The following TRPM6 variants were observed in gnomAD, a reference collection of about 807,000 sequenced individuals.
TRPM6 encodes channel kinase 2.
TRPM6 carries 111 observed loss-of-function variants against 247.6 expected under a neutral mutation model. That is an observed-to-expected ratio of 0.45 (90% CI 0.38 to 0.52). The LOEUF (loss-of-function observed/expected upper bound fraction) is 0.52. Ranked by LOEUF, TRPM6 falls within the 20% of genes least tolerant of loss-of-function variation. The pLI is 0.00. For missense variants in TRPM6, 2,126 were observed against 2,421.5 expected (o/e 0.88, Z 2.56); for synonymous variants, 892 against 853.8 (o/e 1.04, Z -0.78).
intron 18 of TRPM6, among the ~76,000 whole-genome samples, chr9:74,796,433 G>T (rs1388317537): frequency 6.6e-6 from 1 of 152,160 alleles, no homozygotes. Flanking sequence ...TCCAAACCAC[G>T]TCTTTGATTT....
chr9:74,830,129 T>TA (rs1351989592), intron 6 of TRPM6, among the ~76,000 whole-genome samples: 3 of 151,986 alleles, frequency 2.0e-5, no homozygotes, highest in Non-Finnish European at 2.9e-5. Context: ...AATTTTATCT[T>TA]AAAAAAACAA....
Position 74,779,170 on chromosome 9 carries a change from G to A in TRPM6, c.3210-3094C>T, listed in dbSNP as rs1447961645. On this transcript the variant is annotated intron_variant, in intron 23 of 38. Transcript: ENST00000360774. ...CATGCACCTGTGGTCCCAGCTACTCGGGAGGTTGAGGTGGGAGGATTGCTT... is the reference window on the plus strand; with the variant it reads ...CATGCACCTGTGGTCCCAGCTACTCAGGAGGTTGAGGTGGGAGGATTGCTT... Among the ~76,000 whole-genome samples the A allele has an allele frequency of 3.9e-5, 6 of 152,226 alleles. No individual in the cohort carries two copies. The East Asian group carries it at 7.7e-4, about 20-fold the overall frequency.
intron 14 of TRPM6, among the ~76,000 whole-genome samples, chr9:74,806,168 T>C (rs998660508): frequency 6.6e-6 from 1 of 152,102 alleles, no homozygotes; most frequent in Non-Finnish European, 1.5e-5. Context: ...TGAAACTGAG[T>C]GATAGGTACA....
At chr9:74,735,277 G>T (rs1401891367) in intron 36 of TRPM6, among the ~76,000 whole-genome samples, 2 of 151,812 alleles carry the variant, frequency 1.3e-5, no homozygotes, top group Admixed American at 1.3e-4. Context: ...AGAGGAGAGG[G>T]AAAAGAAAAG....
chr9:74,881,348 T>C (rs1831357973), intron 1 of TRPM6, among the ~76,000 whole-genome samples: 1 of 151,938 alleles, frequency 6.6e-6, no homozygotes, highest in African/African-American at 2.4e-5. Flanking sequence ...AATGTAATTA[T>C]ATAATTATAA....
At chr9:74,853,023 C>T (rs867152721) in intron 3 of TRPM6, among the ~76,000 whole-genome samples, 3 of 150,494 alleles carry the variant, frequency 2.0e-5, no homozygotes, top group Admixed American at 6.6e-5. Context: ...TCTGCCCGGC[C>T]CCCCGTCGTC....
At chr9:74,779,200 C>A (rs1827330356) in intron 23 of TRPM6, among the ~76,000 whole-genome samples, 1 of 152,108 alleles carries the variant, frequency 6.6e-6, no homozygotes, top group African/African-American at 2.4e-5. Context: ...TTGCTTGAAC[C>A]AGGGAGGCGG....
rs1826413951 is a variant in TRPM6, at chr9:74,755,843, T to C, written c.4786-370A>G. Reference sequence around the variant, plus strand: ...GAATCTCTATTAAGTTCCCAGGTGATGCTCATGCTGCCAATAGGAGATCAT... The same window carrying C: ...GAATCTCTATTAAGTTCCCAGGTGACGCTCATGCTGCCAATAGGAGATCAT... On this transcript the variant is annotated intron_variant, in intron 27 of 38. Transcript: ENST00000360774. Among the ~76,000 whole-genome samples, 4 of 152,202 alleles carry C rather than the reference T, an allele frequency of 2.6e-5. No individual in the cohort carries two copies. The South Asian group carries it at 8.3e-4, about 32-fold the overall frequency.
chr9:74,736,643 T>A (rs1825705636), intron 36 of TRPM6, among the ~76,000 whole-genome samples: 1 of 152,216 alleles, frequency 6.6e-6, no homozygotes, highest in South Asian at 2.1e-4. Context: ...AACTCTCTGA[T>A]AAATATCTCA....
intron 13 of TRPM6, among the ~76,000 whole-genome samples, chr9:74,808,882 T>C (rs993808416): frequency 1.3e-5 from 2 of 152,198 alleles, no homozygotes; most frequent in Non-Finnish European, 2.9e-5. Context: ...ATAGACAGTA[T>C]AGTGTTTTCT....
chr9:74,815,384 A>C (rs1828890616), intron 11 of TRPM6, among the ~76,000 whole-genome samples: 1 of 152,224 alleles, frequency 6.6e-6, no homozygotes, highest in Non-Finnish European at 1.5e-5. Flanking sequence ...AAATAGTTTA[A>C]ATCATGAATT....
At chr9:74,816,274 G>A (rs1438496089) in intron 11 of TRPM6, among the ~76,000 whole-genome samples, 3 of 151,966 alleles carry the variant, frequency 2.0e-5, no homozygotes, top group African/African-American at 7.3e-5. Context: ...GAGGCTAATG[G>A]GGGAGGATTA....
intron 1 of TRPM6, among the ~76,000 whole-genome samples, chr9:74,872,724 C>A (rs1358041888): frequency 6.6e-6 from 1 of 151,892 alleles, no homozygotes; most frequent in Admixed American, 6.6e-5. Context: ...CCAGCCTCAG[C>A]CTCTCAAAGT....
At chr9:74,763,246 T>C in intron 25 of TRPM6, 112 bp from the exon 26 acceptor site, 1 of 1,029,864 alleles carries the variant, frequency 9.7e-7, no homozygotes, top group Non-Finnish European at 1.5e-6. Flanking sequence ...GCTGCTTCCC[T>C]AGGTTAAGTC....
At chr9:74,887,663 C>T (rs749197548) in intron 1 of TRPM6, 161 bp downstream of exon 1, 180 of 1,596,846 alleles carry the variant, frequency 1.1e-4, no homozygotes, top group Non-Finnish European at 8.8e-5. Flanking sequence ...GGGTGGAGAC[C>T]AGAGAACTTG....
intron 1 of TRPM6, among the ~76,000 whole-genome samples, chr9:74,878,075 C>T (rs1427789950): frequency 6.6e-6 from 1 of 152,148 alleles, no homozygotes; most frequent in Non-Finnish European, 1.5e-5. Flanking sequence ...CCCAACCTGC[C>T]ACCAACACCA....
intron 13 of TRPM6, 78 bp downstream of exon 13, chr9:74,810,737 A>C: frequency 1.5e-6 from 2 of 1,333,540 alleles, no homozygotes; most frequent in Non-Finnish European, 2.2e-6. Flanking sequence ...CATTTTACAA[A>C]GCAAAATTCA....
rs1054148046 is a variant in TRPM6, at chr9:74,800,902, GT to G, written c.2010-421del. Among the ~76,000 whole-genome samples, 18 of 127,034 alleles carry G rather than the reference GT, an allele frequency of 1.4e-4. No individual in the cohort carries two copies. In the East Asian group the frequency reaches 2.2e-3, roughly 16 times the overall value. 83.3% of individuals were successfully genotyped at this position (127,034 alleles called of 152,430 possible). A position where few individuals can be genotyped will look rare whatever the true frequency, so the allele number is the denominator to read the frequency against. On this transcript the variant is annotated intron_variant, in intron 16 of 38. Transcript: ENST00000360774. The stretch of plus-strand genomic sequence containing the variant: ...ACTCCCTGATAAGACCTAATAAAGT[GT>G]GTTTTTTTTTTTTTTTTTGACAAAA...
chr9:74,856,040 C>T (rs1436893672), intron 2 of TRPM6, among the ~76,000 whole-genome samples: 1 of 152,132 alleles, frequency 6.6e-6, no homozygotes, highest in Non-Finnish European at 1.5e-5. Context: ...AAAGCACTAT[C>T]AAATAAGGGA....
Sources: gnomAD v4.1 joint callset for allele counts (sites outside exome capture counted in the v4.1 genomes callset) on GRCh38, gnomAD v4.1.1 for gene constraint, MANE v1.5 for transcripts, NCBI Gene and HGNC (gene_info 2026-07-23, HGNC 2026-07-21) for gene names.